The following ZNF282 variants were observed in gnomAD, a reference collection of about 807,000 sequenced individuals.
ZNF282 encodes zinc finger protein 282.
In ZNF282, 30 loss-of-function variants were observed where a neutral mutation model predicts 61.9. That is an observed-to-expected ratio of 0.48 (90% CI 0.36 to 0.66). The LOEUF (loss-of-function observed/expected upper bound fraction) is 0.66. Ranked by LOEUF, ZNF282 falls within the 30% of genes least tolerant of loss-of-function variation. The pLI is 0.00. For synonymous variants in ZNF282, 396 were observed against 405.0 expected (o/e 0.98, Z 0.27); for missense variants, 788 against 941.4 (o/e 0.84, Z 2.13).
In ZNF282 at chr7:149,198,548, G is replaced by A; in HGVS notation, c.381G>A (p.Gly127=). The stretch of plus-strand genomic sequence containing the variant: ...TGCTGAACCTGGAGGGGCGCACGGG[G>A]ACAGCCGAGAAGAAGCTGGCCGACT... ...SQLLNLEGRT[G]TAEKKLADCE... The change falls in exon 2 of 8, where the codon GGG becomes GGA. Residue 127 remains glycine (G), a synonymous_variant. Transcript: ENST00000610704. This position sits in a 1 kb window ranked among gnomAD's most constrained non-coding sequence, Gnocchi z 4.3. 1.2e-6 allele frequency: 2 copies of A among 1,614,224 alleles called. No homozygotes were observed. Among genetic ancestry groups the A allele is most frequent in the Non-Finnish European group, 1.7e-6 (2 of 1,180,056 alleles).
At chr7:149,203,494 A>T (rs1427480523) in intron 2 of ZNF282, among the ~76,000 whole-genome samples, 1 of 152,176 alleles carries the variant, frequency 6.6e-6, no homozygotes, top group East Asian at 1.9e-4. Flanking sequence ...CTATAGGCAC[A>T]TGCCACCACA....
At chr7:149,222,721 C>A (rs957816822) in intron 7 of ZNF282, among the ~76,000 whole-genome samples, 6 of 152,192 alleles carry the variant, frequency 3.9e-5, no homozygotes, top group African/African-American at 9.6e-5. Flanking sequence ...GATCTCAGCT[C>A]ACTGCAACCT....
chr7:149,210,076 A>G (rs1563177941), intron 4 of ZNF282, among the ~76,000 whole-genome samples: 1 of 152,194 alleles, frequency 6.6e-6, no homozygotes, highest in Non-Finnish European at 1.5e-5. Context: ...TCTGTCCAAC[A>G]ATAGAGCTTA....
intron 1 of ZNF282, among the ~76,000 whole-genome samples, chr7:149,196,299 C>A (rs763697578): frequency 3.0e-4 from 46 of 152,198 alleles, no homozygotes; most frequent in Non-Finnish European, 5.6e-4. Flanking sequence ...GAGATGACTT[C>A]GGGGTCTTTC....
At chr7:149,211,172 G>A (rs544519018) in intron 5 of ZNF282, among the ~76,000 whole-genome samples, 36 of 152,356 alleles carry the variant, frequency 2.4e-4, no homozygotes, top group South Asian at 4.1e-4. Flanking sequence ...CCTCTTAGCT[G>A]GCATTGCAGC....
intron 2 of ZNF282, 160 bp from the exon 3 acceptor site, chr7:149,206,536 A>G: frequency 5.9e-6 from 6 of 1,012,524 alleles, no homozygotes; most frequent in Non-Finnish European, 8.9e-6. Context: ...GGTCCGGGAC[A>G]GAGAGGACTG....
At chr7:149,215,446 G>A (rs1415577676) in intron 7 of ZNF282, among the ~76,000 whole-genome samples, 1 of 152,028 alleles carries the variant, frequency 6.6e-6, no homozygotes, top group East Asian at 1.9e-4. Flanking sequence ...CAGGTGATCT[G>A]CCCACCTTGG....
In ZNF282 at chr7:149,198,361, G is replaced by A. The variant is rs766970665; in HGVS notation, c.194G>A (p.Arg65Gln). Residue 65 changes from arginine (R) to glutamine (Q), a missense_variant, in exon 2 of 8, where the codon CGG becomes CAG. Around this residue, in one of 3 missense-constraint regions of ZNF282, gnomAD observed 137 missense variants for 135.4 expected, o/e 1.01. Transcript: ENST00000610704. This position sits in a 1 kb window ranked among gnomAD's most constrained non-coding sequence, Gnocchi z 4.3. The part of the protein sequence containing the change: ...QAQEWDMDAR[R>Q]PMPFQFPPFP... Reference sequence around the variant, plus strand: ...CAAGAATGGGACATGGACGCCCGGCGGCCAATGCCTTTTCAGTTCCCACCC... The same window carrying A: ...CAAGAATGGGACATGGACGCCCGGCAGCCAATGCCTTTTCAGTTCCCACCC... 4.3e-6 allele frequency: 7 copies of A among 1,612,500 alleles called. No homozygotes were observed. Among genetic ancestry groups the A allele is most frequent in the African/African-American group, 1.3e-5 (1 of 74,986 alleles).
chr7:149,195,797 G>A, intron 1 of ZNF282, 43 bp downstream of exon 1: 1 of 1,426,634 alleles, frequency 7.0e-7, no homozygotes, highest in Non-Finnish European at 9.1e-7. Context: ...TGCCGTGGGG[G>A]CGGGGCGCGG....
chr7:149,198,420 A>G lies in ZNF282; in HGVS notation c.253A>G (p.Met85Val), dbSNP rs771595296. Residue 85 changes from methionine to valine, a missense_variant, in exon 2 of 8, where the codon ATG (methionine) becomes GTG (valine). Around this residue, in one of 3 missense-constraint regions of ZNF282, gnomAD observed 137 missense variants for 135.4 expected, o/e 1.01. Transcript: ENST00000610704. The surrounding 1 kb of genome is among the most constrained non-coding windows in gnomAD (Gnocchi z 4.3). ...TAGGGCACCTGTCTTCCCCGACCGC[A>G]TGATGCGAGAGCCCCAGTTGCCCAC... The part of the protein sequence containing the change: ...PDRAPVFPDR[M>V]MREPQLPTAE... 11 of 1,614,158 alleles carry G rather than the reference A, an allele frequency of 6.8e-6. No individual in the cohort carries two copies. In the Admixed American group the frequency reaches 1.5e-4, roughly 22 times the overall value.
chr7:149,198,419 C>G lies in ZNF282; in HGVS notation c.252C>G (p.Arg84=). ...ATAGGGCACCTGTCTTCCCCGACCG[C>G]ATGATGCGAGAGCCCCAGTTGCCCA... ...FPDRAPVFPD[R]MMREPQLPTA... is the part of the protein sequence containing the mutation. Residue 84 remains arginine (R), a synonymous_variant, in exon 2 of 8, where the codon CGC becomes CGG. Transcript: ENST00000610704. This position sits in a 1 kb window ranked among gnomAD's most constrained non-coding sequence, Gnocchi z 4.3. 1.1e-5 allele frequency: 17 copies of G among 1,614,200 alleles called. No individual in the cohort carries two copies. The highest frequency in any genetic ancestry group is 1.4e-5 in the Non-Finnish European group (17 of 1,180,038).
chr7:149,225,818 G>A lies in ZNF282; in HGVS notation c.*1171G>A, dbSNP rs1437408898. 6.5e-6 allele frequency: 1 copy of A among 152,726 alleles called. No homozygotes were observed. The highest frequency in any genetic ancestry group is 2.4e-5 in the African/African-American group (1 of 41,460). 9.5% of individuals were successfully genotyped at this position (152,726 alleles called of 1,614,324 possible). ...CCCTGCTGTGCTCCACACCCTGCAG[G>A]CGCCTCGGGAAGCGCCCAAAGGATT... On this transcript the variant is annotated 3_prime_UTR_variant, in exon 8 of 8. Transcript: ENST00000610704.
chr7:149,200,535 G>A (rs969083636), intron 2 of ZNF282, among the ~76,000 whole-genome samples: 2 of 152,124 alleles, frequency 1.3e-5, no homozygotes, highest in African/African-American at 4.8e-5. Flanking sequence ...TTGGCCTTTT[G>A]CTCTTTATTT....
At chr7:149,204,222 G>A (rs1041863412) in intron 2 of ZNF282, among the ~76,000 whole-genome samples, 4 of 152,204 alleles carry the variant, frequency 2.6e-5, no homozygotes, top group African/African-American at 9.7e-5. Context: ...AACCAAGCAG[G>A]ATAAAATTCT....
intron 2 of ZNF282, among the ~76,000 whole-genome samples, chr7:149,199,102 G>A (rs1446928330): frequency 6.6e-6 from 1 of 152,254 alleles, no homozygotes; most frequent in East Asian, 1.9e-4. Context: ...TGGCTGTCTT[G>A]GTATATGCTC....
intron 7 of ZNF282, among the ~76,000 whole-genome samples, chr7:149,218,139 T>C (rs894726717): frequency 2.7e-5 from 4 of 148,036 alleles, no homozygotes; most frequent in Non-Finnish European, 4.5e-5. Context: ...GAGAGACTAA[T>C]AAAGGGTATG....
chr7:149,224,863 G>A lies in ZNF282; in HGVS notation c.*216G>A. On this transcript the variant is annotated 3_prime_UTR_variant, in exon 8 of 8. Transcript: ENST00000610704. ...GGGTGGACCCAGCTGCTGGGGAAGA[G>A]CCAGGGGGACCGCGAGGAGCCGAGC... 2.2e-6 allele frequency: 2 copies of A among 896,024 alleles called. No homozygotes were observed. The highest frequency in any genetic ancestry group is 3.2e-6 in the Non-Finnish European group (2 of 619,688). The allele number at this position is 896,024 out of a possible 1,614,324, so 55.5% of individuals were successfully genotyped here.
intron 4 of ZNF282, among the ~76,000 whole-genome samples, chr7:149,207,767 C>T (rs1796019888): frequency 6.6e-6 from 1 of 152,244 alleles, no homozygotes; most frequent in Non-Finnish European, 1.5e-5. Context: ...TACGCTACCG[C>T]CCCAGGCCCG....
At chr7:149,201,087 C>G (rs1795901423) in intron 2 of ZNF282, among the ~76,000 whole-genome samples, 1 of 152,172 alleles carries the variant, frequency 6.6e-6, no homozygotes, top group African/African-American at 2.4e-5. Flanking sequence ...GGATCGCCTG[C>G]CTGAGACCTG....
Sources: allele counts gnomAD v4.1 joint callset (sites outside exome capture counted in the v4.1 genomes callset), GRCh38; gene constraint gnomAD v4.1.1; regional missense constraint gnomAD v4.1.1; non-coding constraint Gnocchi (gnomAD v3.1); transcripts MANE v1.5; gene names NCBI Gene and HGNC (gene_info 2026-07-23, HGNC 2026-07-21).